ADHFE1: variants seen among roughly 807,000 people sequenced by gnomAD.
ADHFE1 encodes the protein hydroxyacid-oxoacid transhydrogenase, mitochondrial.
In ADHFE1, 37 loss-of-function variants were observed where a neutral mutation model predicts 54.8. The observed-to-expected ratio is 0.68, with a 90% confidence interval of 0.52 to 0.89. The LOEUF is 0.89. ADHFE1 is among the 40% of genes least tolerant of loss of function. The probability of loss-of-function intolerance (pLI) is 0.00; values close to 1 mark genes in which losing one functional copy is unlikely to be tolerated. For synonymous variants in ADHFE1, 203 were observed against 229.3 expected, an observed-to-expected ratio of 0.89 and a Z score of 1.04; for missense variants, 601 against 591.2, an observed-to-expected ratio of 1.02 and a Z score of -0.17.
chr8:66,464,323 C>T (rs945989911), intron 13 of ADHFE1, among the ~76,000 whole-genome samples: 17 of 152,132 alleles, frequency 1.1e-4, no homozygotes, highest in Non-Finnish European at 2.1e-4. Context: ...GCCAGAAACG[C>T]GAAACAGAAA....
rs4737230 is a variant in ADHFE1, at chr8:66,441,163, T to C, written c.97+964T>C. ...CTATTTGAGGGAATAAAATTAATAA[T>C]TTACAGAAAGATATTCTCATTGTTT... On this transcript the variant is annotated intron_variant, in intron 2 of 13. Coordinates refer to ENST00000396623, the MANE Select transcript of ADHFE1 (RefSeq NM_144650.3). Among the ~76,000 whole-genome samples the C allele has an allele frequency of 4.0e-3, 615 of 152,380 alleles. 15 individuals are homozygous for C. Among genetic ancestry groups the C allele is most frequent in the Admixed American group, 0.034 (517 of 15,312 alleles).
At chr8:66,442,352 C>T (rs1464437725) in intron 2 of ADHFE1, among the ~76,000 whole-genome samples, 6 of 137,138 alleles carry the variant, frequency 4.4e-5, no homozygotes, top group Admixed American at 4.1e-4. Flanking sequence ...ACTCTGTTGT[C>T]CAGGCTGGAG....
At chr8:66,453,584 G>C (rs1291013663) in intron 9 of ADHFE1, 1 of 679,170 alleles carries the variant, frequency 1.5e-6, no homozygotes, top group East Asian at 5.8e-5. Flanking sequence ...TGTTGGCATA[G>C]AGGTGCAGCA....
At chr8:66,465,338 G>A (rs1022948236) in intron 13 of ADHFE1, among the ~76,000 whole-genome samples, 4 of 152,126 alleles carry the variant, frequency 2.6e-5, no homozygotes, top group African/African-American at 9.7e-5. Context: ...TCCATTAACA[G>A]TGCACCAGGG....
intron 2 of ADHFE1, among the ~76,000 whole-genome samples, chr8:66,441,811 A>G (rs534508671): frequency 3.3e-5 from 5 of 152,144 alleles, no homozygotes; most frequent in Admixed American, 3.3e-4. Context: ...GTCCCTACTA[A>G]AAATACAAAA....
At chr8:66,457,885 A>C (rs1806677885) in intron 12 of ADHFE1, among the ~76,000 whole-genome samples, 1 of 152,244 alleles carries the variant, frequency 6.6e-6, no homozygotes, top group African/African-American at 2.4e-5. Flanking sequence ...AATCTGTATC[A>C]GGAAGCAGGA....
At chr8:66,441,827 C>G (rs12546277) in intron 2 of ADHFE1, among the ~76,000 whole-genome samples, 14,592 of 151,868 alleles carry the variant, frequency 0.096, 935 homozygotes, top group East Asian at 0.17. Flanking sequence ...CAAAAATTAG[C>G]CAGGCATGGT....
chr8:66,446,604 C>T (rs1479064428), intron 6 of ADHFE1, among the ~76,000 whole-genome samples: 1 of 152,190 alleles, frequency 6.6e-6, no homozygotes, highest in Admixed American at 6.5e-5. Flanking sequence ...GCACATTAAA[C>T]ACACATGTAT....
intron 10 of ADHFE1, among the ~76,000 whole-genome samples, chr8:66,455,461 C>G (rs1192156937): frequency 6.6e-6 from 1 of 152,180 alleles, no homozygotes; most frequent in Non-Finnish European, 1.5e-5. Context: ...TAGGCCTTTG[C>G]TAGGGTGAGC....
chr8:66,439,765 G>GA lies in ADHFE1; in HGVS notation c.60-395dup. ...GTTCCCAGCATAGGGTAGTAAGTAAGAAGAGGCACACAGAGTTAACCTTGG... is the reference window on the plus strand; with the variant it reads ...GTTCCCAGCATAGGGTAGTAAGTAAGAAAGAGGCACACAGAGTTAACCTTGG... On this transcript the variant is annotated intron_variant, in intron 1 of 13. Transcript: ENST00000396623. This position sits in a 1 kb window ranked among gnomAD's most constrained non-coding sequence, Gnocchi z 4.4. 1 of 1,029,350 alleles carries GA rather than the reference G, an allele frequency of 9.7e-7. No homozygotes were observed. Among genetic ancestry groups the GA allele is most frequent in the Non-Finnish European group, 1.2e-6 (1 of 858,390 alleles). 63.8% of individuals were successfully genotyped at this position (1,029,350 alleles called of 1,614,324 possible).
chr8:66,450,827 A>G (rs1388527474), intron 8 of ADHFE1, among the ~76,000 whole-genome samples: 1 of 152,252 alleles, frequency 6.6e-6, no homozygotes, highest in Non-Finnish European at 1.5e-5. Flanking sequence ...TTATTCACAC[A>G]TTCCCCGCTT....
chr8:66,453,839 G>A, intron 9 of ADHFE1: 1 of 1,490,952 alleles, frequency 6.7e-7, no homozygotes, highest in South Asian at 1.1e-5. Context: ...GCAGCTGACA[G>A]CGTATTTATT....
intron 13 of ADHFE1, among the ~76,000 whole-genome samples, chr8:66,464,605 CT>C (rs1466872113): frequency 6.6e-6 from 1 of 152,194 alleles, no homozygotes; most frequent in Non-Finnish European, 1.5e-5. Context: ...GAAACTTTGT[CT>C]TTACCTCACC....
rs540464621 is a variant in ADHFE1 at position 66,443,264 on chromosome 8, A to ATTTTTTTTTTTTTTTTTTT, written c.144+434_144+452dup. On this transcript the variant is annotated intron_variant, in intron 3 of 13. Coordinates refer to ENST00000396623, the MANE Select transcript of ADHFE1 (RefSeq NM_144650.3). ...GTCCCTGTCTCCTCCTAGTCCAGGA[A>ATTTTTTTTTTTTTTTTTTT]TTTTTTTTTTTTTTTTTTTTTTTTT... Among the ~76,000 whole-genome samples the ATTTTTTTTTTTTTTTTTTT allele has an allele frequency of 2.0e-4, 17 of 86,092 alleles. 2 individuals are homozygous for ATTTTTTTTTTTTTTTTTTT. The highest frequency in any genetic ancestry group is 3.7e-4 in the African/African-American group (9 of 24,138). The allele number at this position is 86,092 out of a possible 152,430, so 56.5% of individuals were successfully genotyped here.
intron 8 of ADHFE1, among the ~76,000 whole-genome samples, chr8:66,451,620 T>A (rs1483611039): frequency 6.6e-6 from 1 of 152,244 alleles, no homozygotes; most frequent in Non-Finnish European, 1.5e-5. Flanking sequence ...AGGAAGTCAT[T>A]TTTTAGATTC....
At chr8:66,451,123 A>G (rs1402470934) in intron 8 of ADHFE1, among the ~76,000 whole-genome samples, 1 of 152,220 alleles carries the variant, frequency 6.6e-6, no homozygotes, top group African/African-American at 2.4e-5. Flanking sequence ...CCAGTGCATC[A>G]CTGATGTAGA....
Position 66,439,250 on chromosome 8 carries a change from CG to C in ADHFE1, c.60-908del. The C allele has an allele frequency of 2.1e-5, 21 of 985,404 alleles. No homozygotes were observed. Among genetic ancestry groups the C allele is most frequent in the Non-Finnish European group, 2.5e-5 (21 of 829,972 alleles). 61.0% of individuals were successfully genotyped at this position (985,404 alleles called of 1,614,324 possible). On this transcript the variant is annotated intron_variant, in intron 1 of 13. Transcript: ENST00000396623. This position sits in a 1 kb window ranked among gnomAD's most constrained non-coding sequence, Gnocchi z 4.4. ...TTTAATTCCAGATTTGAATTTTTGG[CG>C]GGGAGAAGGAAGTGATGCACTCAAG...
chr8:66,450,011 TAC>T (rs1806219798), intron 8 of ADHFE1, among the ~76,000 whole-genome samples: 1 of 152,164 alleles, frequency 6.6e-6, no homozygotes, highest in African/African-American at 2.4e-5. Flanking sequence ...CACATCCCTG[TAC>T]AGTGACTGTC....
At chr8:66,441,557 G>A (rs1276906018) in intron 2 of ADHFE1, among the ~76,000 whole-genome samples, 2 of 152,164 alleles carry the variant, frequency 1.3e-5, no homozygotes, top group African/African-American at 4.8e-5. Flanking sequence ...TTTATCGTAT[G>A]ACTGACCAGT....
Sources: gnomAD v4.1 joint callset for allele counts (sites outside exome capture counted in the v4.1 genomes callset) on GRCh38, gnomAD v4.1.1 for gene constraint, Gnocchi (gnomAD v3.1) non-coding constraint, MANE v1.5 for transcripts, NCBI Gene and HGNC (gene_info 2026-07-23, HGNC 2026-07-21) for gene names.